Variants in SSH2 observed in about 807,000 individuals in gnomAD.
SSH2 encodes the protein protein phosphatase Slingshot homolog 2.
A neutral mutation model predicts 135.2 loss-of-function variants in SSH2; 37 were observed. The ratio of observed to expected loss-of-function variants is 0.27; its 90% confidence interval spans 0.21 to 0.36. The LOEUF (loss-of-function observed/expected upper bound fraction) is 0.36. SSH2 is among the 10% of genes least tolerant of loss of function. SSH2 has a pLI of 1.00. For synonymous variants in SSH2, 628 were observed against 646.2 expected, an observed-to-expected ratio of 0.97 and a Z score of 0.43; for missense variants, 1,408 against 1,765.3, an observed-to-expected ratio of 0.80 and a Z score of 3.63.
intron 2 of SSH2, among the ~76,000 whole-genome samples, chr17:29,837,013 T>C (rs528348025): frequency 6.6e-6 from 1 of 152,228 alleles, no homozygotes; most frequent in East Asian, 1.9e-4. Flanking sequence ...TCTCAGCACT[T>C]TGGGAGGCCG....
chr17:29,918,692 T>C lies in SSH2; in HGVS notation c.63+11246A>G, dbSNP rs540487106. ...TGGCTCACGCCTGTAATCCCAACACTTTGGGAGGCTGAGGTGGGCAGATCA... is the reference window on the plus strand; with the variant it reads ...TGGCTCACGCCTGTAATCCCAACACCTTGGGAGGCTGAGGTGGGCAGATCA... On this transcript the variant is annotated intron_variant, in intron 1 of 15. Transcript: ENST00000540801. Among the ~76,000 whole-genome samples, 4 of 152,224 alleles carry C rather than the reference T, an allele frequency of 2.6e-5. No homozygotes were observed. In the East Asian group the frequency reaches 7.7e-4, roughly 29 times the overall value.
chr17:29,798,631 C>T (rs2042199111), intron 2 of SSH2, among the ~76,000 whole-genome samples: 1 of 152,064 alleles, frequency 6.6e-6, no homozygotes, highest in African/African-American at 2.4e-5. Flanking sequence ...AAATGTGAGA[C>T]AGCATTATAA....
At chr17:29,893,137 T>G (rs560326158) in intron 1 of SSH2, among the ~76,000 whole-genome samples, 1 of 152,204 alleles carries the variant, frequency 6.6e-6, no homozygotes, top group East Asian at 1.9e-4. Context: ...CTTTCTACTC[T>G]TCCTTCTCTT....
intron 3 of SSH2, among the ~76,000 whole-genome samples, chr17:29,745,763 A>C (rs1335811168): frequency 6.6e-6 from 1 of 152,194 alleles, no homozygotes; most frequent in East Asian, 1.9e-4. Context: ...AAATGAGCAA[A>C]AATTTAAGCT....
In SSH2 at chr17:29,843,639, G is replaced by A. The variant is rs181068897; in HGVS notation, c.144+5210C>T. On this transcript the variant is annotated intron_variant, in intron 2 of 15. Transcript: ENST00000540801. ...TTCTGAGCTAACCATTGTTTTCATC[G>A]TTCCAATACACTACATTCCAAAACT... Among the ~76,000 whole-genome samples the A allele has an allele frequency of 5.0e-3, 765 of 151,686 alleles. 5 individuals are homozygous for A. Among genetic ancestry groups the A allele is most frequent in the Admixed American group, 8.9e-3 (135 of 15,252 alleles).
chr17:29,762,552 C>T (rs1475614401), intron 3 of SSH2, among the ~76,000 whole-genome samples: 1 of 152,156 alleles, frequency 6.6e-6, no homozygotes, highest in Admixed American at 6.5e-5. Context: ...TAAATAATGT[C>T]ATTCAGGAAC....
intron 3 of SSH2, among the ~76,000 whole-genome samples, chr17:29,783,000 C>T (rs2041873364): frequency 6.6e-6 from 1 of 152,156 alleles, no homozygotes. Context: ...TGATTACAGG[C>T]ATGAGCCACC....
chr17:29,874,635 G>T (rs2065997743), intron 1 of SSH2, among the ~76,000 whole-genome samples: 1 of 152,128 alleles, frequency 6.6e-6, no homozygotes, highest in Admixed American at 6.6e-5. Flanking sequence ...CACCATGATT[G>T]TAAATTTCCT....
chr17:29,809,231 G>C (rs2042400839), intron 2 of SSH2, among the ~76,000 whole-genome samples: 1 of 152,202 alleles, frequency 6.6e-6, no homozygotes, highest in Non-Finnish European at 1.5e-5. Context: ...TCCAGCCTGG[G>C]CAACAGAGTG....
At chr17:29,717,195 G>C (rs2039653694) in intron 3 of SSH2, among the ~76,000 whole-genome samples, 1 of 152,198 alleles carries the variant, frequency 6.6e-6, no homozygotes, top group African/African-American at 2.4e-5. Context: ...TAGGGCAGTG[G>C]TGTGTTCATG....
intron 2 of SSH2, among the ~76,000 whole-genome samples, chr17:29,815,960 C>T (rs774320956): frequency 1.3e-5 from 2 of 152,046 alleles, no homozygotes; most frequent in African/African-American, 2.4e-5. Context: ...GCAAATCTCA[C>T]GTCTCAGCCT....
At chr17:29,838,334 C>G (rs1322789114) in intron 2 of SSH2, among the ~76,000 whole-genome samples, 3 of 152,208 alleles carry the variant, frequency 2.0e-5, no homozygotes, top group Non-Finnish European at 4.4e-5. Context: ...TGTTGGCCTG[C>G]AGGTGCCCCT....
At chr17:29,663,192 T>A (rs1349678509) in intron 11 of SSH2, among the ~76,000 whole-genome samples, 1 of 152,276 alleles carries the variant, frequency 6.6e-6, no homozygotes, top group Non-Finnish European at 1.5e-5. Flanking sequence ...CTTTCCCTAA[T>A]AAACAGATCT....
At chr17:29,865,760 C>T (rs1312469754) in intron 1 of SSH2, among the ~76,000 whole-genome samples, 1 of 152,104 alleles carries the variant, frequency 6.6e-6, no homozygotes, top group Admixed American at 6.5e-5. Context: ...TTAGTGTCTT[C>T]TAAAGACTAC....
intron 4 of SSH2, among the ~76,000 whole-genome samples, chr17:29,701,595 G>C (rs1392254885): frequency 2.0e-5 from 3 of 151,696 alleles, no homozygotes; most frequent in African/African-American, 7.3e-5. Context: ...TTTTGAAGTG[G>C]AGTCTTGCTC....
intron 1 of SSH2, among the ~76,000 whole-genome samples, chr17:29,885,153 C>T (rs2066212093): frequency 6.6e-6 from 1 of 152,124 alleles, no homozygotes; most frequent in South Asian, 2.1e-4. Flanking sequence ...TTTCTCCCAT[C>T]ACGTGCTTTA....
At chr17:29,883,098 A>G (rs966522260) in intron 1 of SSH2, 5 of 152,078 alleles carry the variant, frequency 3.3e-5, no homozygotes, top group Non-Finnish European at 7.4e-5. Flanking sequence ...TCAGCACATT[A>G]CCTGTCTGAT....
chr17:29,776,435 G>A (rs1330398798), intron 3 of SSH2: 1 of 152,188 alleles, frequency 6.6e-6, no homozygotes, highest in Admixed American at 6.5e-5. Flanking sequence ...TCCAAGTAAA[G>A]CCACCACTGT....
At chr17:29,709,676 CA>C (rs200336503) in intron 3 of SSH2, among the ~76,000 whole-genome samples, 11 of 147,500 alleles carry the variant, frequency 7.5e-5, no homozygotes, top group Middle Eastern at 3.5e-3. Flanking sequence ...AACTCCATTT[CA>C]AAAAAAAAAT....
Sources: allele counts gnomAD v4.1 joint callset (sites outside exome capture counted in the v4.1 genomes callset), GRCh38; gene constraint gnomAD v4.1.1; transcripts MANE v1.5; gene names NCBI Gene and HGNC (gene_info 2026-07-23, HGNC 2026-07-21).